Variants in CSMD3 observed in about 807,000 individuals in gnomAD.
The protein encoded by CSMD3 is CUB and Sushi multiple domains 3.
A neutral mutation model predicts 435.2 loss-of-function variants in CSMD3; 177 were observed. The observed-to-expected ratio is 0.41, with a 90% CI of 0.36 to 0.46. The LOEUF (loss-of-function observed/expected upper bound fraction) is 0.46. Ranked by LOEUF, CSMD3 falls within the 20% of genes least tolerant of loss-of-function variation. The pLI, the probability that CSMD3 is intolerant of heterozygous loss-of-function variation, is 0.34. For synonymous variants in CSMD3, 1,656 were observed against 1,520.5 expected (o/e 1.09, Z -2.07); for missense variants, 4,265 against 4,504.6 (o/e 0.95, Z 1.52).
chr8:113,199,285 T>C (rs1031910194), intron 3 of CSMD3, among the ~76,000 whole-genome samples: 1 of 151,506 alleles, frequency 6.6e-6, no homozygotes, highest in African/African-American at 2.4e-5. Context: ...CTGTGTAAAA[T>C]TTAGATTTCA....
At chr8:113,421,342 A>C (rs2094607914) in intron 1 of CSMD3, among the ~76,000 whole-genome samples, 1 of 152,214 alleles carries the variant, frequency 6.6e-6, no homozygotes, top group African/African-American at 2.4e-5. Flanking sequence ...AGAAGCAGAC[A>C]AATTAAAAAT....
chr8:112,865,683 ACCCCACAC>A (rs773203943), intron 10 of CSMD3, among the ~76,000 whole-genome samples: 4 of 72,876 alleles, frequency 5.5e-5, no homozygotes, highest in Admixed American at 3.0e-4. Context: ...ACCTTTACAT[ACCCCACAC>A]ACACACACAC....
At chr8:113,056,474 T>G (rs957142521) in intron 5 of CSMD3, among the ~76,000 whole-genome samples, 2 of 152,246 alleles carry the variant, frequency 1.3e-5, no homozygotes, top group East Asian at 1.9e-4. Context: ...GGGTTTCTAA[T>G]ATGTATCTCA....
chr8:112,521,153 T>C (rs1824239882), intron 27 of CSMD3, among the ~76,000 whole-genome samples: 1 of 151,962 alleles, frequency 6.6e-6, no homozygotes, highest in African/African-American at 2.4e-5. Context: ...GTGGCTTCTA[T>C]CTTCCATTTT....
intron 10 of CSMD3, among the ~76,000 whole-genome samples, chr8:112,921,001 A>G (rs866421447): frequency 0.011 from 1,249 of 115,046 alleles, 19 homozygotes; most frequent in African/African-American, 0.037. Flanking sequence ...GCGCGCGCAC[A>G]CACACACACA....
At chr8:112,261,572 T>C (rs1328397440) in intron 61 of CSMD3, among the ~76,000 whole-genome samples, 1 of 152,026 alleles carries the variant, frequency 6.6e-6, no homozygotes, top group Non-Finnish European at 1.5e-5. Context: ...TGTGTGTAAA[T>C]ATAGGCACTA....
At chr8:112,762,203 T>C (rs977188020) in intron 13 of CSMD3, among the ~76,000 whole-genome samples, 2 of 151,966 alleles carry the variant, frequency 1.3e-5, no homozygotes, top group African/African-American at 4.8e-5. Context: ...TTTTTAATTA[T>C]GAGAACGAGG....
intron 31 of CSMD3, among the ~76,000 whole-genome samples, chr8:112,477,763 A>C (rs1416717955): frequency 6.6e-6 from 1 of 152,146 alleles, no homozygotes; most frequent in Non-Finnish European, 1.5e-5. Context: ...AATTAAATTT[A>C]TTTTCTTTAT....
At chr8:113,033,643 C>A (rs954815397) in intron 5 of CSMD3, among the ~76,000 whole-genome samples, 1 of 149,052 alleles carries the variant, frequency 6.7e-6, no homozygotes, top group Non-Finnish European at 1.5e-5. Flanking sequence ...AAGGGACTTG[C>A]CATGTCTCAG....
chr8:113,150,394 T>C (rs1442160782), intron 4 of CSMD3, among the ~76,000 whole-genome samples: 2 of 151,934 alleles, frequency 1.3e-5, no homozygotes, highest in African/African-American at 4.8e-5. Context: ...CAAACTGCCT[T>C]GTTAAGGACA....
At chr8:112,243,770 T>G (rs1433666346) in intron 65 of CSMD3, among the ~76,000 whole-genome samples, 1 of 152,122 alleles carries the variant, frequency 6.6e-6, no homozygotes, top group Non-Finnish European at 1.5e-5. Context: ...AGAAGGTCTT[T>G]GCAAATGTAA....
chr8:112,946,447 G>A (rs2083612770), intron 9 of CSMD3, among the ~76,000 whole-genome samples: 1 of 151,728 alleles, frequency 6.6e-6, no homozygotes. Context: ...AGGTTTTGGA[G>A]TCTGCAAGTC....
rs765385059 is a variant in CSMD3, at chr8:112,556,953, A to G, written c.4044T>C (p.Ser1348=). 3 of 1,606,888 alleles carry G rather than the reference A, an allele frequency of 1.9e-6. No individual in the cohort carries two copies. The highest frequency in any genetic ancestry group is 3.3e-5 in the Admixed American group (2 of 59,738). The part of the protein sequence containing the change: ...TDEGFQLVYT[S]FELSHCEDPG... The stretch of plus-strand genomic sequence containing the variant: ...GATCTTCACAGTGTGAGAGTTCAAA[A>G]CCTGGGACAAAAATATAAATTGATT... Residue 1348 remains serine, a splice_region_variant and synonymous_variant, in exon 25 of 71, where the codon AGT becomes AGC. Coordinates refer to ENST00000297405, the MANE Select transcript of CSMD3 (RefSeq NM_198123.2).
intron 13 of CSMD3, among the ~76,000 whole-genome samples, chr8:112,797,857 T>C (rs1431536667): frequency 6.6e-6 from 1 of 151,842 alleles, no homozygotes; most frequent in African/African-American, 2.4e-5. Context: ...CCTGGTAAAC[T>C]AAACTTTTGA....
At chr8:113,099,703 C>A (rs2090274559) in intron 4 of CSMD3, among the ~76,000 whole-genome samples, 2 of 152,024 alleles carry the variant, frequency 1.3e-5, no homozygotes, top group African/African-American at 2.4e-5. Context: ...AGATTCTCCA[C>A]TAGTCTACTT....
intron 1 of CSMD3, among the ~76,000 whole-genome samples, chr8:113,434,111 A>G (rs1220075841): frequency 6.6e-6 from 1 of 152,184 alleles, no homozygotes; most frequent in Non-Finnish European, 1.5e-5. Flanking sequence ...GTTTCCTCCC[A>G]CTAAGCCTCT....
intron 22 of CSMD3, among the ~76,000 whole-genome samples, chr8:112,589,752 G>A (rs986571173): frequency 1.1e-4 from 16 of 152,130 alleles, no homozygotes; most frequent in Middle Eastern, 3.2e-3. Context: ...TTGATACAAG[G>A]AAGACAAGGG....
intron 32 of CSMD3, among the ~76,000 whole-genome samples, chr8:112,421,988 A>G (rs1007160501): frequency 6.6e-6 from 1 of 152,074 alleles, no homozygotes; most frequent in African/African-American, 2.4e-5. Context: ...TCAAAAAATT[A>G]GTAAGCTAAA....
At chr8:112,347,884 G>T (rs1330810870) in intron 40 of CSMD3, among the ~76,000 whole-genome samples, 2 of 152,154 alleles carry the variant, frequency 1.3e-5, no homozygotes, top group South Asian at 4.1e-4. Flanking sequence ...TAAAAGGCAA[G>T]GACTATCTTT....
Sources: allele counts gnomAD v4.1 joint callset (sites outside exome capture counted in the v4.1 genomes callset), GRCh38; gene constraint gnomAD v4.1.1; transcripts MANE v1.5; gene names NCBI Gene and HGNC (gene_info 2026-07-23, HGNC 2026-07-21).